The following TMEM150C variants were observed in gnomAD, a reference collection of about 807,000 sequenced individuals.
The protein encoded by TMEM150C is tentonin 3.
TMEM150C carries 10 observed loss-of-function variants against 29.9 expected under a neutral mutation model. The observed-to-expected ratio is 0.33, with a 90% CI of 0.21 to 0.57. TMEM150C has a LOEUF of 0.57. Ranked by LOEUF, TMEM150C falls within the 20% of genes least tolerant of loss-of-function variation. TMEM150C has a pLI of 0.88. For missense variants in TMEM150C, 251 were observed against 303.6 expected, an observed-to-expected ratio of 0.83 and a Z score of 1.29; for synonymous variants, 101 against 112.5, an observed-to-expected ratio of 0.90 and a Z score of 0.64.
intron 1 of TMEM150C, among the ~76,000 whole-genome samples, chr4:82,522,349 A>G (rs1308609863): frequency 6.6e-6 from 1 of 152,236 alleles, no homozygotes; most frequent in African/African-American, 2.4e-5. Flanking sequence ...GTAAGCTCCA[A>G]TAACACGCCA....
At chr4:82,548,446 T>C (rs1285507614) in intron 1 of TMEM150C, among the ~76,000 whole-genome samples, 3 of 152,200 alleles carry the variant, frequency 2.0e-5, no homozygotes, top group Admixed American at 6.5e-5. Context: ...CTTTACATTG[T>C]TCGTGCAAGG....
chr4:82,561,538 G>A (rs1450315540), intron 1 of TMEM150C, among the ~76,000 whole-genome samples: 1 of 151,422 alleles, frequency 6.6e-6, no homozygotes, highest in East Asian at 1.9e-4. Flanking sequence ...GGGGACACCT[G>A]TCAAAGGACG....
chr4:82,510,274 A>T (rs1724082020), intron 1 of TMEM150C, among the ~76,000 whole-genome samples: 1 of 152,176 alleles, frequency 6.6e-6, no homozygotes, highest in Non-Finnish European at 1.5e-5. Flanking sequence ...GCAAGACTCT[A>T]TCTCAAAAAC....
intron 6 of TMEM150C, chr4:82,494,954 T>A (rs4076634): frequency 0.084 from 51,673 of 611,686 alleles, 5,630 homozygotes; most frequent in Admixed American, 0.3. Context: ...TGGCCGAAAG[T>A]TTAGCATATT....
At chr4:82,492,898 A>ATGTG (rs1553905435) in intron 6 of TMEM150C, among the ~76,000 whole-genome samples, 5 of 136,106 alleles carry the variant, frequency 3.7e-5, no homozygotes, top group African/African-American at 1.1e-4. Flanking sequence ...ATATATATAT[A>ATGTG]TGTATTTGAG....
At chr4:82,519,311 C>G (rs78860059) in intron 1 of TMEM150C, among the ~76,000 whole-genome samples, 1 of 152,148 alleles carries the variant, frequency 6.6e-6, no homozygotes, top group African/African-American at 2.4e-5. Context: ...TGTAGTACCC[C>G]CTTATCCACA....
At chr4:82,555,270 A>G (rs903514358) in intron 1 of TMEM150C, among the ~76,000 whole-genome samples, 1 of 152,226 alleles carries the variant, frequency 6.6e-6, no homozygotes, top group African/African-American at 2.4e-5. Context: ...GAAAAGACAA[A>G]TAACTTAGGA....
At chr4:82,546,751 C>T (rs1217207380) in intron 1 of TMEM150C, among the ~76,000 whole-genome samples, 6 of 151,966 alleles carry the variant, frequency 3.9e-5, no homozygotes, top group East Asian at 1.9e-4. Flanking sequence ...TGGTGTGACC[C>T]GGGAGGTGGA....
At chr4:82,536,460 C>A (rs866273500) in intron 1 of TMEM150C, among the ~76,000 whole-genome samples, 7 of 150,948 alleles carry the variant, frequency 4.6e-5, no homozygotes, top group African/African-American at 1.7e-4. Flanking sequence ...TCAAATCACA[C>A]ACATACGCTA....
intron 1 of TMEM150C, among the ~76,000 whole-genome samples, chr4:82,542,269 C>T (rs534630128): frequency 2.4e-4 from 36 of 152,022 alleles, no homozygotes; most frequent in Non-Finnish European, 4.6e-4. Context: ...TAGAATGGGC[C>T]AGGGAGGGCA....
chr4:82,535,350 A>C (rs1724971221), intron 1 of TMEM150C, among the ~76,000 whole-genome samples: 1 of 152,160 alleles, frequency 6.6e-6, no homozygotes, highest in South Asian at 2.1e-4. Context: ...CAACTAACCC[A>C]CTCTCTCAAT....
chr4:82,530,735 A>G (rs6839171), intron 1 of TMEM150C, among the ~76,000 whole-genome samples: 52,193 of 152,082 alleles, frequency 0.34, 12,882 homozygotes, highest in African/African-American at 0.71. Flanking sequence ...CCAGAGGCTG[A>G]GTAATTTATA....
intron 1 of TMEM150C, among the ~76,000 whole-genome samples, chr4:82,513,194 G>C (rs1724186588): frequency 6.6e-6 from 1 of 152,190 alleles, no homozygotes; most frequent in Non-Finnish European, 1.5e-5. Flanking sequence ...GAGAGCTCTG[G>C]CTGGCATCTG....
chr4:82,550,899 C>T (rs1268632735), intron 1 of TMEM150C, among the ~76,000 whole-genome samples: 1 of 152,092 alleles, frequency 6.6e-6, no homozygotes, highest in African/African-American at 2.4e-5. Context: ...GTTAAGATTT[C>T]TGAGGTGAAA....
rs1242064296 is a variant in TMEM150C at position 82,490,392 on chromosome 4, T to C, written c.364-154A>G. Reference sequence around the variant, plus strand: ...GAAAGATTAGCTCTTCGTTCTATTCTCAAATGGTTTGAACTCTGAGGGGAT... The same window carrying C: ...GAAAGATTAGCTCTTCGTTCTATTCCCAAATGGTTTGAACTCTGAGGGGAT... On this transcript the variant is annotated intron_variant, in intron 6 of 7. Coordinates refer to ENST00000449862, the MANE Select transcript of TMEM150C (RefSeq NM_001080506.3). Among the ~76,000 whole-genome samples, 3 of 152,194 alleles carry C rather than the reference T, an allele frequency of 2.0e-5. No homozygotes were observed. In the South Asian group the frequency reaches 6.2e-4, roughly 31 times the overall value.
At chr4:82,552,779 G>A (rs973349963) in intron 1 of TMEM150C, among the ~76,000 whole-genome samples, 15 of 152,096 alleles carry the variant, frequency 9.9e-5, no homozygotes, top group South Asian at 2.1e-4. Flanking sequence ...CCCCTGCCTC[G>A]CTTGCCATCT....
intron 1 of TMEM150C, among the ~76,000 whole-genome samples, chr4:82,523,125 A>G (rs991416978): frequency 6.6e-6 from 1 of 152,170 alleles, no homozygotes; most frequent in Non-Finnish European, 1.5e-5. Flanking sequence ...CAGTTTAGAT[A>G]AAATGACACG....
intron 1 of TMEM150C, among the ~76,000 whole-genome samples, chr4:82,554,701 T>C (rs886609111): frequency 6.6e-6 from 1 of 152,240 alleles, no homozygotes; most frequent in Admixed American, 6.5e-5. Flanking sequence ...TTATAATTCA[T>C]TATAATTGCT....
chr4:82,490,906 TGCCTCCCCAGTGATG>T, intron 6 of TMEM150C: 2 of 714,148 alleles, frequency 2.8e-6, no homozygotes, highest in Non-Finnish European at 5.2e-6. Flanking sequence ...CCCAGGACAT[TGCCTCCCCAGTGATG>T]GCGGATCTCA....
Sources: gnomAD v4.1 joint callset for allele counts (sites outside exome capture counted in the v4.1 genomes callset) on GRCh38, gnomAD v4.1.1 for gene constraint, MANE v1.5 for transcripts, NCBI Gene and HGNC (gene_info 2026-07-23, HGNC 2026-07-21) for gene names.